PPP3R1: variants seen among roughly 807,000 people sequenced by gnomAD.
PPP3R1 encodes the protein calcineurin subunit B type 1.
Under a neutral mutation model 22.6 loss-of-function variants are expected in PPP3R1, and 5 were observed. The ratio of observed to expected loss-of-function variants is 0.22; its 90% CI spans 0.12 to 0.46. PPP3R1 has a LOEUF of 0.46. Ranked by LOEUF, PPP3R1 falls within the 20% of genes least tolerant of loss-of-function variation. The probability of loss-of-function intolerance (pLI) is 0.99; values close to 1 mark genes in which losing one functional copy is unlikely to be tolerated. For missense variants in PPP3R1, 61 were observed against 203.2 expected, an observed-to-expected ratio of 0.30 and a Z score of 4.25; for synonymous variants, 56 against 65.2, an observed-to-expected ratio of 0.86 and a Z score of 0.68.
In PPP3R1 at chr2:68,196,304, G is replaced by C. The variant is rs112574446; in HGVS notation, c.44-7614C>G. ...CTGTATTTTCATGTGACCCCAATGA[G>C]AAGTAAAATCCACCAGGGGGCGCAG... On this transcript the variant is annotated intron_variant, in intron 2 of 5. Transcript: ENST00000234310. 4.8e-5 allele frequency among the ~76,000 whole-genome samples: 7 copies of C among 144,374 alleles called. 1 individual carries two copies. Among genetic ancestry groups the C allele is most frequent in the African/African-American group, 1.8e-4 (7 of 38,528 alleles). The allele number at this position is 144,374 out of a possible 152,430, so 94.7% of individuals were successfully genotyped here.
Position 68,202,787 on chromosome 2 carries a change from A to C in PPP3R1, c.44-14097T>G, listed in dbSNP as rs1337295192. 3.1e-5 allele frequency among the ~76,000 whole-genome samples: 4 copies of C among 128,014 alleles called. No homozygotes were observed. The South Asian group carries it at 7.0e-4, about 22-fold the overall frequency. The allele number at this position is 128,014 out of a possible 152,430, so 84.0% of individuals were successfully genotyped here. On this transcript the variant is annotated intron_variant, in intron 2 of 5. Transcript: ENST00000234310. ...ATATTTAATATATACTAGAGAGTTC[A>C]GGGAATTTTTTTTTTTTTTTTTTTT...
intron 1 of PPP3R1, among the ~76,000 whole-genome samples, chr2:68,251,615 C>T (rs1670356675): frequency 6.6e-6 from 1 of 151,868 alleles, no homozygotes; most frequent in African/African-American, 2.4e-5. Context: ...TGCTGGGAAA[C>T]AGGCAGTGAG....
intron 1 of PPP3R1, among the ~76,000 whole-genome samples, chr2:68,221,436 T>A (rs1572968162): frequency 6.6e-6 from 1 of 151,278 alleles, no homozygotes; most frequent in African/African-American, 2.4e-5. Flanking sequence ...AGGTCAAGGG[T>A]GCAGTGAGCC....
intron 1 of PPP3R1, among the ~76,000 whole-genome samples, chr2:68,250,216 G>A (rs977210342): frequency 1.3e-5 from 2 of 151,386 alleles, no homozygotes; most frequent in Non-Finnish European, 1.5e-5. Context: ...GGAAGAAAAG[G>A]AACATAATGA....
At chr2:68,230,261 G>A (rs955746183) in intron 1 of PPP3R1, among the ~76,000 whole-genome samples, 2 of 152,140 alleles carry the variant, frequency 1.3e-5, no homozygotes, top group African/African-American at 2.4e-5. Flanking sequence ...CCAAAGTGCT[G>A]GGATTACAGG....
intron 1 of PPP3R1, among the ~76,000 whole-genome samples, chr2:68,244,265 G>T (rs1670191697): frequency 6.6e-6 from 1 of 152,074 alleles, no homozygotes; most frequent in Non-Finnish European, 1.5e-5. Context: ...TATTTCCTAG[G>T]TCACTGACCA....
intron 2 of PPP3R1, among the ~76,000 whole-genome samples, chr2:68,190,777 A>T (rs1674650688): frequency 6.6e-6 from 1 of 152,188 alleles, no homozygotes; most frequent in South Asian, 2.1e-4. Context: ...CCCCACAACT[A>T]TTAATAAAGG....
chr2:68,209,889 A>G (rs1461649758), intron 2 of PPP3R1, among the ~76,000 whole-genome samples: 2 of 152,208 alleles, frequency 1.3e-5, no homozygotes, highest in African/African-American at 4.8e-5. Flanking sequence ...AGTCAAATAA[A>G]GAGCTGACCA....
At chr2:68,182,865 T>C (rs1345376719) in intron 5 of PPP3R1, among the ~76,000 whole-genome samples, 1 of 152,242 alleles carries the variant, frequency 6.6e-6, no homozygotes. Flanking sequence ...GGGTGTTCTA[T>C]GTAATTATAA....
In PPP3R1 at chr2:68,252,180, G is replaced by T; in HGVS notation, c.-53C>A. 1 of 1,321,904 alleles carries T rather than the reference G, an allele frequency of 7.6e-7. No homozygotes were observed. The highest frequency in any genetic ancestry group is 1.8e-5 in the South Asian group (1 of 55,608). The allele number at this position is 1,321,904 out of a possible 1,614,324, so 81.9% of individuals were successfully genotyped here. On this transcript the variant is annotated 5_prime_UTR_variant, in exon 1 of 6. Coordinates refer to ENST00000234310, the MANE Select transcript of PPP3R1 (RefSeq NM_000945.4). ...GCTCGCTGGCTCGGAGAAGTGTTGC[G>T]CTCAGGCTGGCTCGCAGGAAACGGC...
rs1291570010 is a variant in PPP3R1, at chr2:68,252,507, C to A, written c.-380G>T. The A allele has an allele frequency of 9.4e-6, 9 of 958,402 alleles. No individual in the cohort carries two copies. Among genetic ancestry groups the A allele is most frequent in the Non-Finnish European group, 9.7e-6 (8 of 823,796 alleles). 59.4% of individuals were successfully genotyped at this position (958,402 alleles called of 1,614,324 possible). ...CCGTGACGGACTCACTGCAGCGGCT[C>A]GCGCTGACCCGCAACCTCAAGGCAC... On this transcript the variant is annotated 5_prime_UTR_variant, in exon 1 of 6. Coordinates refer to ENST00000234310, the MANE Select transcript of PPP3R1 (RefSeq NM_000945.4).
chr2:68,193,880 T>C (rs1450215244), intron 2 of PPP3R1, among the ~76,000 whole-genome samples: 2 of 152,152 alleles, frequency 1.3e-5, no homozygotes, highest in Non-Finnish European at 2.9e-5. Flanking sequence ...AAATTCTAAC[T>C]TTTGGCGCCA....
intron 1 of PPP3R1, among the ~76,000 whole-genome samples, chr2:68,218,382 T>C (rs541457878): frequency 3.1e-4 from 47 of 152,314 alleles, no homozygotes; most frequent in African/African-American, 1.1e-3. Context: ...AGTCTTTTTC[T>C]TGCAAGTTAT....
At chr2:68,196,252 A>G (rs1309223168) in intron 2 of PPP3R1, among the ~76,000 whole-genome samples, 1 of 152,214 alleles carries the variant, frequency 6.6e-6, no homozygotes, top group Non-Finnish European at 1.5e-5. Flanking sequence ...AGTTTTTTAT[A>G]AAGACACCTC....
intron 1 of PPP3R1, among the ~76,000 whole-genome samples, chr2:68,223,861 G>A (rs770414599): frequency 5.3e-5 from 8 of 149,612 alleles, no homozygotes; most frequent in African/African-American, 9.8e-5. Flanking sequence ...ACTGCCTTTC[G>A]TTGCAGATGA....
intron 1 of PPP3R1, among the ~76,000 whole-genome samples, chr2:68,229,973 T>TAC (rs201152385): frequency 0.064 from 9,096 of 143,132 alleles, 391 homozygotes; most frequent in East Asian, 0.17. Flanking sequence ...TATACACACA[T>TAC]ACACACACAC....
At chr2:68,198,224 T>C (rs1674846531) in intron 2 of PPP3R1, among the ~76,000 whole-genome samples, 3 of 119,050 alleles carry the variant, frequency 2.5e-5, no homozygotes, top group South Asian at 3.5e-4. Context: ...ATATACATTT[T>C]ACATATATGT....
chr2:68,189,291 T>C (rs925204684), intron 2 of PPP3R1, among the ~76,000 whole-genome samples: 5 of 152,186 alleles, frequency 3.3e-5, no homozygotes, highest in Admixed American at 6.5e-5. Flanking sequence ...CTTTGCAAGT[T>C]TGAGCAAATA....
chr2:68,180,939 T>G lies in PPP3R1; in HGVS notation c.*24A>C. 1.1e-5 allele frequency: 17 copies of G among 1,603,962 alleles called. No homozygotes were observed. Among genetic ancestry groups the G allele is most frequent in the Non-Finnish European group, 1.5e-5 (17 of 1,171,092 alleles). On this transcript the variant is annotated 3_prime_UTR_variant, in exon 6 of 6. Transcript: ENST00000234310. ...AGAGATGGAGAAGAAAGCAAAAGTG[T>G]TGGGTGGTACTCTCTGATAAGAGTC...
Sources: gnomAD v4.1 joint callset for allele counts (sites outside exome capture counted in the v4.1 genomes callset) on GRCh38, gnomAD v4.1.1 for gene constraint, MANE v1.5 for transcripts, NCBI Gene and HGNC (gene_info 2026-07-23, HGNC 2026-07-21) for gene names.